Variants in SYNE1 observed in about 807,000 individuals in gnomAD.
The protein encoded by SYNE1 is nesprin-1.
Under a neutral mutation model 1,111.0 loss-of-function variants are expected in SYNE1, and 616 were observed. The ratio of observed to expected loss-of-function variants is 0.55; its 90% confidence interval spans 0.52 to 0.59. The LOEUF is 0.59. SYNE1 is among the 20% of genes least tolerant of loss of function. The pLI, the probability that SYNE1 is intolerant of heterozygous loss-of-function variation, is 0.00. For missense variants in SYNE1, 10,006 were observed against 10,417.0 expected, an observed-to-expected ratio of 0.96 and a Z score of 1.72; for synonymous variants, 3,855 against 3,825.8, an observed-to-expected ratio of 1.01 and a Z score of -0.28.
chr6:152,590,590 A>G (rs547637655), intron 3 of SYNE1, among the ~76,000 whole-genome samples: 2 of 152,260 alleles, frequency 1.3e-5, no homozygotes, highest in South Asian at 4.2e-4. Context: ...CAAGTGCAAA[A>G]TAATAGTCTT....
At chr6:152,258,334 A>C (rs908866733) in intron 101 of SYNE1, among the ~76,000 whole-genome samples, 41 of 152,222 alleles carry the variant, frequency 2.7e-4, no homozygotes, top group African/African-American at 9.6e-4. Flanking sequence ...AGGAATTTAA[A>C]GATTAAATTG....
At chr6:152,619,468 A>G (rs2099670550) in intron 3 of SYNE1, among the ~76,000 whole-genome samples, 1 of 93,888 alleles carries the variant, frequency 1.1e-5, no homozygotes, top group African/African-American at 4.2e-5. Flanking sequence ...AGAGTTTACA[A>G]TGTTCCAGAC....
intron 96 of SYNE1, among the ~76,000 whole-genome samples, 196 bp downstream of exon 96, chr6:152,283,782 G>A (rs2094165559): frequency 6.6e-6 from 1 of 152,138 alleles, no homozygotes; most frequent in African/African-American, 2.4e-5. Flanking sequence ...TGATTCACCT[G>A]CCTCAGCCTC....
chr6:152,367,091 A>G (rs773922145), intron 62 of SYNE1, 127 bp downstream of exon 62: 4 of 1,180,368 alleles, frequency 3.4e-6, no homozygotes, highest in Non-Finnish European at 5.1e-6. Context: ...ACAGCGTTGC[A>G]CTCACAAAGC....
chr6:152,268,508 T>C (rs2092925713), intron 99 of SYNE1, among the ~76,000 whole-genome samples: 1 of 152,106 alleles, frequency 6.6e-6, no homozygotes, highest in South Asian at 2.1e-4. Context: ...AAAGGATAGA[T>C]CCTTGGGAAA....
chr6:152,377,347 C>T (rs563810083), intron 56 of SYNE1, among the ~76,000 whole-genome samples: 21 of 151,822 alleles, frequency 1.4e-4, no homozygotes, highest in South Asian at 6.3e-4. Context: ...TGGTGGCTCA[C>T]GCCTGTAATT....
rs183353820 is a variant in SYNE1, at chr6:152,338,893, A to G, written c.12351+348T>C. Among the ~76,000 whole-genome samples the G allele has an allele frequency of 2.0e-4, 30 of 152,314 alleles. 1 individual carries two copies. The highest frequency in any genetic ancestry group is 6.7e-4 in the African/African-American group (28 of 41,568). ...GTCAAGAGCCCCTTTCATATTAAGT[A>G]TTGCCTAAAGAAAAAGGTGGAAAAG... On this transcript the variant is annotated intron_variant, in intron 75 of 145. Transcript: ENST00000367255.
chr6:152,456,096 G>A (rs547451707), intron 22 of SYNE1, 52 bp from the exon 23 acceptor site: 2 of 1,572,572 alleles, frequency 1.3e-6, no homozygotes, highest in Admixed American at 1.7e-5. Context: ...CAGAGTGAGA[G>A]AGAAAGAAAG....
chr6:152,558,672 C>T (rs531311497), intron 3 of SYNE1, among the ~76,000 whole-genome samples: 80 of 152,152 alleles, frequency 5.3e-4, no homozygotes, highest in African/African-American at 1.6e-3. Flanking sequence ...TACCCAACAT[C>T]GGAGCACCTA....
chr6:152,220,820 A>G, intron 119 of SYNE1, 22 bp downstream of exon 119: 1 of 1,610,542 alleles, frequency 6.2e-7, no homozygotes, highest in South Asian at 1.1e-5. Context: ...TGTGGGGAAA[A>G]CAAGGTAGCT....
chr6:152,233,650 A>T (rs899564096), intron 112 of SYNE1, 131 bp downstream of exon 112: 2 of 1,137,822 alleles, frequency 1.8e-6, no homozygotes, highest in Admixed American at 2.0e-5. Context: ...TATTAATACA[A>T]CGGGAGAGAG....
At chr6:152,187,811 C>T (rs560036858) in intron 128 of SYNE1, among the ~76,000 whole-genome samples, 2 of 152,096 alleles carry the variant, frequency 1.3e-5, no homozygotes, top group Non-Finnish European at 1.5e-5. Context: ...CTGCAACCTC[C>T]GGCTCCTGGG....
intron 112 of SYNE1, among the ~76,000 whole-genome samples, chr6:152,233,410 T>G (rs573988469): frequency 1.3e-3 from 198 of 152,072 alleles, no homozygotes; most frequent in African/African-American, 4.7e-3. Context: ...TCACTCCATC[T>G]GCCTCCCCAG....
chr6:152,526,192 G>T lies in SYNE1; in HGVS notation c.130-17C>A, dbSNP rs569421654. On this transcript the variant is annotated splice_polypyrimidine_tract_variant and intron_variant, in intron 4 of 145. Coordinates refer to ENST00000367255, the MANE Select transcript of SYNE1 (RefSeq NM_182961.4). ...AGGTTTCCGCTGTAAAAGCAAAGAG[G>T]AATAAGTGCAGAAAATATCTCTTCC... 4 of 1,609,106 alleles carry T rather than the reference G, an allele frequency of 2.5e-6. No individual in the cohort carries two copies. Among genetic ancestry groups the T allele is most frequent in the Non-Finnish European group, 3.4e-6 (4 of 1,175,624 alleles).
intron 18 of SYNE1, 103 bp from the exon 19 acceptor site, chr6:152,463,620 T>C: frequency 3.0e-6 from 3 of 1,014,684 alleles, no homozygotes; most frequent in East Asian, 2.6e-5. Context: ...TTAACATTCA[T>C]GTGAATTTTA....
rs540375260 is a variant in SYNE1 at position 152,459,426 on chromosome 6, C to G, written c.2395-496G>C. On this transcript the variant is annotated intron_variant, in intron 21 of 145. Coordinates refer to ENST00000367255, the MANE Select transcript of SYNE1 (RefSeq NM_182961.4). ...TGTTGACTCACTCTTCCCAGACAGG[C>G]CTGTGCTTTCCTGCCTCCCACCAGC... Among the ~76,000 whole-genome samples the G allele has an allele frequency of 3.9e-5, 6 of 152,282 alleles. No homozygotes were observed. In the South Asian group the frequency reaches 1.2e-3, roughly 32 times the overall value.
chr6:152,181,280 C>T (rs552245700), intron 128 of SYNE1, among the ~76,000 whole-genome samples: 172 of 152,196 alleles, frequency 1.1e-3, no homozygotes, highest in African/African-American at 3.9e-3. Context: ...GGTATGGTGG[C>T]GCACACCTGT....
At chr6:152,498,980 G>A (rs2099014197) in intron 10 of SYNE1, among the ~76,000 whole-genome samples, 188 bp from the exon 11 acceptor site, 1 of 151,892 alleles carries the variant, frequency 6.6e-6, no homozygotes, top group Admixed American at 6.6e-5. Flanking sequence ...ACTCCAATAA[G>A]GCAACATCAT....
intron 127 of SYNE1, among the ~76,000 whole-genome samples, chr6:152,190,960 A>T (rs2072097630): frequency 6.6e-6 from 1 of 152,206 alleles, no homozygotes; most frequent in Non-Finnish European, 1.5e-5. Flanking sequence ...TTCTATGCTC[A>T]GTTTTTTGAG....
Sources: gnomAD v4.1 joint callset for allele counts (sites outside exome capture counted in the v4.1 genomes callset) on GRCh38, gnomAD v4.1.1 for gene constraint, MANE v1.5 for transcripts, NCBI Gene and HGNC (gene_info 2026-07-23, HGNC 2026-07-21) for gene names.